Variants in SMG9 observed in about 807,000 individuals in gnomAD.
SMG9 encodes the protein nonsense-mediated mRNA decay factor SMG9.
In SMG9, 55 loss-of-function variants were observed where a neutral mutation model predicts 64.0. That is an observed-to-expected ratio of 0.86 (90% CI 0.69 to 1.08). The LOEUF (loss-of-function observed/expected upper bound fraction) is 1.08, where lower values mean the gene tolerates loss of function less well. Among genes scored for constraint, SMG9 ranks in the 50% least tolerant of loss-of-function variants. The pLI, the probability that SMG9 is intolerant of heterozygous loss-of-function variation, is 0.00. For missense variants in SMG9, 554 were observed against 681.3 expected (o/e 0.81, Z 2.08); for synonymous variants, 244 against 254.8 (o/e 0.96, Z 0.41).
At position 43,728,471 on chromosome 19, in the gene SMG9, C is replaced by A. The variant is rs1287269697; in HGVS notation, c.*3125G>T. On this transcript the variant is annotated 3_prime_UTR_variant, in exon 14 of 14. Coordinates refer to ENST00000270066, the MANE Select transcript of SMG9 (RefSeq NM_019108.4). Reference sequence around the variant, plus strand: ...CCTGCAGAACTCTGAGCCAATTAAACCCCTTTTCTTTATAAATTACCCAGT... The same window carrying A: ...CCTGCAGAACTCTGAGCCAATTAAAACCCTTTTCTTTATAAATTACCCAGT... The A allele has an allele frequency of 6.6e-6, 1 of 152,302 alleles. No individual in the cohort carries two copies. The highest frequency in any genetic ancestry group is 1.5e-5 in the Non-Finnish European group (1 of 68,096). The allele number at this position is 152,302 out of a possible 1,614,324, so 9.4% of individuals were successfully genotyped here.
At position 43,729,782 on chromosome 19, in the gene SMG9, G is replaced by A. The variant is rs1968413874; in HGVS notation, c.*1814C>T. On this transcript the variant is annotated 3_prime_UTR_variant, in exon 14 of 14. Coordinates refer to ENST00000270066, the MANE Select transcript of SMG9 (RefSeq NM_019108.4). ...AGGGTTCTGTAGAGATCACGACAGT[G>A]GGGCAAAGGATTTAGAAGCATTTCG... The A allele has an allele frequency of 6.6e-6, 1 of 152,324 alleles. No individual in the cohort carries two copies. The highest frequency in any genetic ancestry group is 1.5e-5 in the Non-Finnish European group (1 of 68,122). 9.4% of individuals were successfully genotyped at this position (152,324 alleles called of 1,614,324 possible).
chr19:43,744,334 C>T (rs1032965303), intron 6 of SMG9, among the ~76,000 whole-genome samples: 4 of 152,212 alleles, frequency 2.6e-5, no homozygotes, highest in Non-Finnish European at 4.4e-5. Context: ...GTGATACTTG[C>T]TCTATGCCAG....
chr19:43,735,877 A>C (rs1022242966), intron 9 of SMG9, among the ~76,000 whole-genome samples: 1 of 152,216 alleles, frequency 6.6e-6, no homozygotes, highest in Non-Finnish European at 1.5e-5. Context: ...TGCCGGCCTG[A>C]GCCAATACTC....
intron 9 of SMG9, among the ~76,000 whole-genome samples, chr19:43,735,630 A>AAC (rs1199209639): frequency 6.6e-6 from 1 of 151,740 alleles, no homozygotes; most frequent in Non-Finnish European, 1.5e-5. Context: ...AAAAAAAAAA[A>AAC]AAAAAAAAAT....
chr19:43,750,359 C>A, intron 2 of SMG9: 1 of 701,220 alleles, frequency 1.4e-6, no homozygotes. Flanking sequence ...GCTGGCATGG[C>A]TTATTCTCTC....
chr19:43,733,808 G>T (rs922097477), intron 10 of SMG9, 75 bp from the exon 11 acceptor site: 4 of 1,060,166 alleles, frequency 3.8e-6, no homozygotes, highest in Non-Finnish European at 4.3e-6. Flanking sequence ...TCACCCCAAA[G>T]ACCTGTTGTT....
In SMG9 at chr19:43,731,623, C is replaced by G; in HGVS notation, c.1536G>C (p.Leu512=). 1 of 1,614,270 alleles carries G rather than the reference C, an allele frequency of 6.2e-7. No homozygotes were observed. Among genetic ancestry groups the G allele is most frequent in the Non-Finnish European group, 8.5e-7 (1 of 1,180,044 alleles). The part of the protein sequence containing the change: ...IWDGVRKSSA[L]AEYSRLLA Reference sequence around the variant, plus strand: ...AGGCCAGCAGGCGGCTGTACTCTGCCAGAGCAGAGGACTTTCTCACCCCAT... The same window carrying G: ...AGGCCAGCAGGCGGCTGTACTCTGCGAGAGCAGAGGACTTTCTCACCCCAT... The change falls in exon 14 of 14, where the codon CTG becomes CTC. Residue 512 remains leucine, a synonymous_variant. Transcript: ENST00000270066.
rs1969072427 is a variant in SMG9 at position 43,747,898 on chromosome 19, C to T, written c.226-1G>A. 6.2e-7 allele frequency: 1 copy of T among 1,613,078 alleles called. No individual in the cohort carries two copies. The highest frequency in any genetic ancestry group is 2.2e-5 in the East Asian group (1 of 44,876). On this transcript the variant is annotated splice_acceptor_variant, in intron 3 of 13. Coordinates refer to ENST00000270066, the MANE Select transcript of SMG9 (RefSeq NM_019108.4). LOFTEE classifies it high-confidence loss of function. ...CTGTTGGAGGTGGTGGCTGTTTTGA[C>T]TACGGAGGTAAAAAAAATCCCATCA... is the stretch of plus-strand genomic sequence containing the variant.
intron 7 of SMG9, among the ~76,000 whole-genome samples, chr19:43,738,922 T>C (rs1450528240): frequency 6.6e-6 from 1 of 152,198 alleles, no homozygotes; most frequent in Non-Finnish European, 1.5e-5. Context: ...CACACAAGGC[T>C]CACATCACAT....
intron 1 of SMG9, among the ~76,000 whole-genome samples, chr19:43,752,444 T>C (rs1233181156): frequency 6.6e-6 from 1 of 152,336 alleles, no homozygotes; most frequent in African/African-American, 2.4e-5. Flanking sequence ...CCAAATCTGG[T>C]CTGCTTTCTG....
chr19:43,752,408 C>T (rs1371243383), intron 1 of SMG9, among the ~76,000 whole-genome samples: 1 of 152,216 alleles, frequency 6.6e-6, no homozygotes, highest in African/African-American at 2.4e-5. Context: ...GCTCAGAAGT[C>T]AGGTTGACAA....
intron 7 of SMG9, among the ~76,000 whole-genome samples, chr19:43,738,790 A>G (rs1229091437): frequency 2.0e-5 from 3 of 152,208 alleles, no homozygotes; most frequent in Non-Finnish European, 4.4e-5. Flanking sequence ...CAAACTCCAA[A>G]CATTGAGCAG....
At chr19:43,742,857 G>A (rs1452294638) in intron 6 of SMG9, among the ~76,000 whole-genome samples, 4 of 152,018 alleles carry the variant, frequency 2.6e-5, no homozygotes, top group Non-Finnish European at 2.9e-5. Flanking sequence ...TTGGGAGGCC[G>A]AGGTGGGCAG....
chr19:43,739,819 G>C, intron 7 of SMG9: 1 of 397,824 alleles, frequency 2.5e-6, no homozygotes, highest in Non-Finnish European at 4.6e-6. Context: ...CACCCAGCTG[G>C]TAAGAACTAA....
Position 43,729,616 on chromosome 19 carries a change from C to T in SMG9, c.*1980G>A, listed in dbSNP as rs1968408264. ...CATCTTTCTCTGGCCGTTGCCCCCACCACCTTTCCTACTCTGGCAAACCCC... is the reference window on the plus strand; with the variant it reads ...CATCTTTCTCTGGCCGTTGCCCCCATCACCTTTCCTACTCTGGCAAACCCC... On this transcript the variant is annotated 3_prime_UTR_variant, in exon 14 of 14. Transcript: ENST00000270066. 1 of 152,492 alleles carries T rather than the reference C, an allele frequency of 6.6e-6. No homozygotes were observed. The highest frequency in any genetic ancestry group is 2.4e-5 in the African/African-American group (1 of 41,448). 9.4% of individuals were successfully genotyped at this position (152,492 alleles called of 1,614,324 possible).
chr19:43,732,971 CA>C lies in SMG9; in HGVS notation c.1370del (p.Leu457ArgfsTer14). ...GPGSSPLFSL[L>X]PGYRGHPSFQ... ...AACTGGGGTGGCCACGATACCCAGG[CA>C]GCAGGGAGAAGAGTGGGCTGGAACC... On this transcript the variant is annotated frameshift_variant, in exon 13 of 14. Transcript: ENST00000270066. LOFTEE classifies it high-confidence loss of function. 1 of 1,613,350 alleles carries C rather than the reference CA, an allele frequency of 6.2e-7. No homozygotes were observed. The highest frequency in any genetic ancestry group is 1.1e-5 in the South Asian group (1 of 91,036).
At chr19:43,752,249 A>C (rs996508731) in intron 1 of SMG9, among the ~76,000 whole-genome samples, 5 of 152,230 alleles carry the variant, frequency 3.3e-5, no homozygotes, top group African/African-American at 1.2e-4. Flanking sequence ...GATGTTATAT[A>C]ATGTCTGGCT....
chr19:43,744,966 T>C, intron 5 of SMG9, 82 bp from the exon 6 acceptor site: 8 of 1,005,010 alleles, frequency 8.0e-6, no homozygotes, highest in Non-Finnish European at 1.2e-5. Context: ...GAGACCCTTG[T>C]GGCTCCCCCA....
In SMG9 at chr19:43,747,859, C is replaced by G; in HGVS notation, c.264G>C (p.Pro88=). The change falls in exon 4 of 14, where the codon CCG becomes CCC. Residue 88 remains proline (P), a synonymous_variant. Transcript: ENST00000270066. ...QPPPPTAPAA[P]PAPAPLEKPI... ...GCTTCTCCAGAGGGGCTGGAGCAGG[C>G]GGGGCAGCAGGGGCTGTTGGAGGTG... is the stretch of plus-strand genomic sequence containing the variant. 2 of 1,607,114 alleles carry G rather than the reference C, an allele frequency of 1.2e-6. No homozygotes were observed. Among genetic ancestry groups the G allele is most frequent in the East Asian group, 4.5e-5 (2 of 44,834 alleles).
Sources: allele counts gnomAD v4.1 joint callset (sites outside exome capture counted in the v4.1 genomes callset), GRCh38; gene constraint gnomAD v4.1.1; transcripts MANE v1.5; gene names NCBI Gene and HGNC (gene_info 2026-07-23, HGNC 2026-07-21).